The following CSNK1G1 variants were observed in gnomAD, a reference collection of about 807,000 sequenced individuals.
CSNK1G1 encodes casein kinase 1 gamma 1.
Under a neutral mutation model 59.6 loss-of-function variants are expected in CSNK1G1, and 22 were observed. The ratio of observed to expected loss-of-function variants is 0.37; its 90% CI spans 0.26 to 0.53. The LOEUF (loss-of-function observed/expected upper bound fraction) is 0.53. CSNK1G1 is among the 20% of genes least tolerant of loss of function. The pLI is 0.89. For missense variants in CSNK1G1, 384 were observed against 519.5 expected (o/e 0.74, Z 2.54); for synonymous variants, 179 against 177.1 (o/e 1.01, Z -0.08).
At chr15:64,233,803 A>G (rs2140295304) in intron 4 of CSNK1G1, among the ~76,000 whole-genome samples, 1 of 152,284 alleles carries the variant, frequency 6.6e-6, no homozygotes, top group South Asian at 2.1e-4. Flanking sequence ...AGCTCCATTT[A>G]AGACTAGAAA....
At chr15:64,314,534 A>G in intron 1 of CSNK1G1, among the ~76,000 whole-genome samples, 1 of 151,128 alleles carries the variant, frequency 6.6e-6, no homozygotes, top group East Asian at 1.9e-4. Flanking sequence ...AAATGTACAA[A>G]AACTATCTTC....
chr15:64,338,430 T>A (rs962652862), intron 1 of CSNK1G1, among the ~76,000 whole-genome samples: 5 of 152,068 alleles, frequency 3.3e-5, no homozygotes, highest in African/African-American at 1.2e-4. Context: ...CCCGGCGCGG[T>A]GGCTCACACC....
In CSNK1G1 at chr15:64,307,903, G is replaced by A. The variant is rs1596254798; in HGVS notation, c.-224-7180C>T. 2.0e-5 allele frequency among the ~76,000 whole-genome samples: 3 copies of A among 152,136 alleles called. No homozygotes were observed. In the South Asian group the frequency reaches 6.2e-4, roughly 32 times the overall value. On this transcript the variant is annotated intron_variant, in intron 1 of 11. Coordinates refer to ENST00000303052, the MANE Select transcript of CSNK1G1 (RefSeq NM_022048.5). ...GGGTTTCACCATGTTAGCCAGGATG[G>A]TCTCAACCTCCTGACTTCATGATCC...
rs61213062 is a variant in CSNK1G1 at position 64,198,729 on chromosome 15, TAA to T, written c.1107+4351_1107+4352del. On this transcript the variant is annotated intron_variant, in intron 10 of 11. Transcript: ENST00000303052. ...AGAGAGATTTGGCTGCAAATTTTCT[TAA>T]AAAAAAAAAAAGGGCATAAGAAAAC... Among the ~76,000 whole-genome samples the T allele has an allele frequency of 4.7e-3, 663 of 141,602 alleles. 10 individuals carry two copies. The highest frequency in any genetic ancestry group is 0.016 in the African/African-American group (620 of 39,216). The allele number at this position is 141,602 out of a possible 152,430, so 92.9% of individuals were successfully genotyped here.
At chr15:64,241,344 A>G (rs1439760979) in intron 4 of CSNK1G1, among the ~76,000 whole-genome samples, 1 of 152,220 alleles carries the variant, frequency 6.6e-6, no homozygotes, top group Non-Finnish European at 1.5e-5. Flanking sequence ...TCAATGTCAG[A>G]GCACTCAGAA....
chr15:64,196,738 C>T (rs2082043528), intron 10 of CSNK1G1, among the ~76,000 whole-genome samples: 1 of 151,826 alleles, frequency 6.6e-6, no homozygotes, highest in South Asian at 2.1e-4. Flanking sequence ...AGGCGGGAGC[C>T]ACCATGCCCA....
At chr15:64,191,222 G>A (rs1266506623) in intron 10 of CSNK1G1, among the ~76,000 whole-genome samples, 1 of 152,018 alleles carries the variant, frequency 6.6e-6, no homozygotes, top group Non-Finnish European at 1.5e-5. Context: ...CCACCAGGTT[G>A]CTAATTTTTT....
chr15:64,284,343 T>G (rs1364885921), intron 2 of CSNK1G1, among the ~76,000 whole-genome samples: 3 of 152,158 alleles, frequency 2.0e-5, no homozygotes, highest in Non-Finnish European at 2.9e-5. Flanking sequence ...AGCTTTCAGT[T>G]TCCACAAAGA....
intron 10 of CSNK1G1, among the ~76,000 whole-genome samples, chr15:64,202,044 T>A (rs1045508454): frequency 6.6e-6 from 1 of 152,184 alleles, no homozygotes; most frequent in Non-Finnish European, 1.5e-5. Flanking sequence ...GTCAAACTTG[T>A]TGATTTTTTG....
At chr15:64,336,773 T>C (rs1208255057) in intron 1 of CSNK1G1, among the ~76,000 whole-genome samples, 1 of 152,198 alleles carries the variant, frequency 6.6e-6, no homozygotes, top group Non-Finnish European at 1.5e-5. Context: ...CACGATTCTA[T>C]GGAAAAATCA....
At chr15:64,338,001 T>G (rs1463209858) in intron 1 of CSNK1G1, among the ~76,000 whole-genome samples, 4 of 152,228 alleles carry the variant, frequency 2.6e-5, no homozygotes, top group African/African-American at 7.2e-5. Flanking sequence ...ATACTACATA[T>G]TGTTTATGCA....
At chr15:64,311,746 G>A (rs1280387989) in intron 1 of CSNK1G1, among the ~76,000 whole-genome samples, 1 of 151,300 alleles carries the variant, frequency 6.6e-6, no homozygotes, top group Non-Finnish European at 1.5e-5. Context: ...CAGGTGCAGT[G>A]GTGCATGCAT....
chr15:64,279,744 T>C (rs1398021487), intron 2 of CSNK1G1, among the ~76,000 whole-genome samples: 1 of 151,614 alleles, frequency 6.6e-6, no homozygotes, highest in Non-Finnish European at 1.5e-5. Context: ...GAGGCCGAGG[T>C]GGGCGGATCA....
intron 4 of CSNK1G1, among the ~76,000 whole-genome samples, chr15:64,222,478 G>A (rs2082403509): frequency 6.7e-6 from 1 of 148,594 alleles, no homozygotes; most frequent in African/African-American, 2.5e-5. Context: ...GGTTTAGACT[G>A]GTTCCTTTCA....
intron 4 of CSNK1G1, among the ~76,000 whole-genome samples, chr15:64,221,016 T>C (rs1018114227): frequency 6.6e-6 from 1 of 152,230 alleles, no homozygotes; most frequent in Non-Finnish European, 1.5e-5. Flanking sequence ...GGAGTAACCA[T>C]GCTAATGTTG....
chr15:64,296,104 T>C (rs1272704548), intron 2 of CSNK1G1, among the ~76,000 whole-genome samples: 1 of 152,166 alleles, frequency 6.6e-6, no homozygotes, highest in Non-Finnish European at 1.5e-5. Flanking sequence ...TCTCTGCCAA[T>C]GTAGTTTCCA....
chr15:64,294,247 T>C (rs1200192921), intron 2 of CSNK1G1, among the ~76,000 whole-genome samples: 1 of 152,018 alleles, frequency 6.6e-6, no homozygotes, highest in Admixed American at 6.6e-5. Context: ...TAATTCTTTG[T>C]ATTTTTAGTA....
Position 64,216,416 on chromosome 15 carries a change from TGCCCCAGC to T in CSNK1G1, c.444+138_444+145del. 1.3e-6 allele frequency: 1 copy of T among 743,302 alleles called. No homozygotes were observed. Among genetic ancestry groups the T allele is most frequent in the Admixed American group, 2.8e-5 (1 of 35,374 alleles). 46.0% of individuals were successfully genotyped at this position (743,302 alleles called of 1,614,324 possible). ...GTGACTTCTCTGAATTTACCCTTTTTGCCCCAGCCAGCTTCCCAGAATGCCATCAAGCC... is the reference window on the plus strand; with the variant it reads ...GTGACTTCTCTGAATTTACCCTTTTTCAGCTTCCCAGAATGCCATCAAGCC... On this transcript the variant is annotated intron_variant, in intron 5 of 11. Transcript: ENST00000303052. The surrounding 1 kb of genome is among the most constrained non-coding windows in gnomAD (Gnocchi z 4.6).
intron 1 of CSNK1G1, among the ~76,000 whole-genome samples, chr15:64,309,281 G>A (rs115048787): frequency 5.8e-4 from 87 of 148,910 alleles, no homozygotes; most frequent in African/African-American, 2.1e-3. Flanking sequence ...GGCCTAGCAT[G>A]GTAAGTTCTC....
Sources: gnomAD v4.1 joint callset for allele counts (sites outside exome capture counted in the v4.1 genomes callset) on GRCh38, gnomAD v4.1.1 for gene constraint, Gnocchi (gnomAD v3.1) non-coding constraint, MANE v1.5 for transcripts, NCBI Gene and HGNC (gene_info 2026-07-23, HGNC 2026-07-21) for gene names.